Variants in USH2A observed in about 807,000 individuals in gnomAD.
USH2A encodes the protein Usher syndrome 2A (autosomal recessive, mild).
In USH2A, 443 loss-of-function variants were observed where a neutral mutation model predicts 538.9. The observed-to-expected ratio is 0.82, with a 90% confidence interval of 0.76 to 0.89. The LOEUF is 0.89. Among genes scored for constraint, USH2A ranks in the 40% least tolerant of loss-of-function variants. The pLI is 0.00. For missense variants in USH2A, 6,633 were observed against 6,324.8 expected (o/e 1.05, Z -1.65); for synonymous variants, 2,413 against 2,273.5 (o/e 1.06, Z -1.75).
chr1:216,369,042 G>A (rs2038652746), intron 3 of USH2A, among the ~76,000 whole-genome samples: 1 of 152,042 alleles, frequency 6.6e-6, no homozygotes, highest in African/African-American at 2.4e-5. Flanking sequence ...ACATCATTTT[G>A]AATGCTAAGA....
chr1:215,795,617 C>T (rs939863416), intron 50 of USH2A, among the ~76,000 whole-genome samples: 2 of 152,184 alleles, frequency 1.3e-5, no homozygotes, highest in African/African-American at 2.4e-5. Context: ...CATTTTTAAA[C>T]TCTGATGTAT....
intron 4 of USH2A, among the ~76,000 whole-genome samples, chr1:216,362,029 C>T (rs111456068): frequency 1.8e-3 from 280 of 152,166 alleles, no homozygotes; most frequent in African/African-American, 6.3e-3. Context: ...TATTCTACGA[C>T]TTTTTTTAAA....
intron 47 of USH2A, among the ~76,000 whole-genome samples, chr1:215,820,814 C>T (rs1330507919): frequency 1.3e-5 from 2 of 151,808 alleles, no homozygotes; most frequent in Non-Finnish European, 2.9e-5. Flanking sequence ...TTTTTTATCT[C>T]CCACATATGA....
intron 37 of USH2A, among the ~76,000 whole-genome samples, chr1:215,955,471 A>T (rs928892565): frequency 2.6e-5 from 4 of 152,212 alleles, no homozygotes; most frequent in African/African-American, 7.2e-5. Context: ...CAAGCTAGAT[A>T]CATGCTTTCT....
chr1:216,394,305 C>T (rs545141920), intron 3 of USH2A, among the ~76,000 whole-genome samples: 18 of 148,202 alleles, frequency 1.2e-4, no homozygotes, highest in African/African-American at 4.5e-4. Flanking sequence ...TACCATGTGG[C>T]ACAGCAATCC....
intron 59 of USH2A, 81 bp downstream of exon 59, chr1:215,743,096 G>T: frequency 2.6e-6 from 4 of 1,515,954 alleles, no homozygotes; most frequent in Non-Finnish European, 3.6e-6. Context: ...TTTGGACTGA[G>T]AATGTATTCC....
rs114298830 is a variant in USH2A at position 216,384,834 on chromosome 1, A to G, written c.652-19749T>C. 5.0e-3 allele frequency among the ~76,000 whole-genome samples: 755 copies of G among 152,338 alleles called. 10 individuals are homozygous for G. The highest frequency in any genetic ancestry group is 0.017 in the African/African-American group (718 of 41,582). ...ACTAAAGATATTTTCCTTGTGGGCT[A>G]GGCTAGAAGTGAAGAAACTGAACCT... On this transcript the variant is annotated intron_variant, in intron 3 of 71. Coordinates refer to ENST00000307340, the MANE Select transcript of USH2A (RefSeq NM_206933.4).
chr1:216,016,385 G>T (rs1479281822), intron 32 of USH2A, among the ~76,000 whole-genome samples: 3 of 151,918 alleles, frequency 2.0e-5, no homozygotes, highest in Non-Finnish European at 4.4e-5. Flanking sequence ...AAAAGAAATC[G>T]CTTTGCTATG....
At chr1:215,974,861 G>T (rs967089603) in intron 35 of USH2A, among the ~76,000 whole-genome samples, 4 of 152,092 alleles carry the variant, frequency 2.6e-5, no homozygotes, top group African/African-American at 9.7e-5. Flanking sequence ...ACCCAGTAAT[G>T]GGTTGCTGGG....
intron 9 of USH2A, among the ~76,000 whole-genome samples, chr1:216,300,842 A>G (rs1180580200): frequency 6.8e-6 from 1 of 146,670 alleles, no homozygotes; most frequent in Non-Finnish European, 1.5e-5. Flanking sequence ...TCCACCACCC[A>G]CGTTCAAGAG....
chr1:215,754,115 T>G (rs1170178456), intron 58 of USH2A, among the ~76,000 whole-genome samples: 1 of 152,224 alleles, frequency 6.6e-6, no homozygotes, highest in Non-Finnish European at 1.5e-5. Context: ...TATCTTAAGA[T>G]GGGGATAATG....
chr1:215,733,380 A>G (rs1660063319), intron 60 of USH2A, among the ~76,000 whole-genome samples: 1 of 152,214 alleles, frequency 6.6e-6, no homozygotes, highest in Non-Finnish European at 1.5e-5. Flanking sequence ...ATCTGTTTTT[A>G]GCATGAGATT....
At position 215,998,772 on chromosome 1, in the gene USH2A, C is replaced by T. The variant is rs984552928; in HGVS notation, c.6657+115G>A. 6.9e-6 allele frequency: 8 copies of T among 1,158,298 alleles called. No individual in the cohort carries two copies. In the African/African-American group the frequency reaches 1.1e-4, roughly 16 times the overall value. The allele number at this position is 1,158,298 out of a possible 1,614,324, so 71.8% of individuals were successfully genotyped here. On this transcript the variant is annotated intron_variant, in intron 34 of 71. Transcript: ENST00000307340. ...AGAGTTTTCAGTATAAACAGCAATA[C>T]ATGAAGATTTTGACTTTTTTTTTTT...
At chr1:216,266,972 T>C (rs986942030) in intron 11 of USH2A, among the ~76,000 whole-genome samples, 2 of 151,886 alleles carry the variant, frequency 1.3e-5, no homozygotes, top group Admixed American at 6.6e-5. Flanking sequence ...AAGTGTTTAA[T>C]TGGAAATATG....
Position 216,007,636 on chromosome 1 carries a change from C to A in USH2A, c.6326-7074G>T, listed in dbSNP as rs185844287. ...TGTATTCAGGCAGGGCCACAGAAAACCTTGTAAAGATTTCAGTTGCCCAAG... is the reference window on the plus strand; with the variant it reads ...TGTATTCAGGCAGGGCCACAGAAAAACTTGTAAAGATTTCAGTTGCCCAAG... On this transcript the variant is annotated intron_variant, in intron 32 of 71. Coordinates refer to ENST00000307340, the MANE Select transcript of USH2A (RefSeq NM_206933.4). 3.5e-4 allele frequency among the ~76,000 whole-genome samples: 53 copies of A among 152,288 alleles called. 1 individual carries two copies. Among genetic ancestry groups the A allele is most frequent in the Admixed American group, 1.9e-3 (29 of 15,306 alleles).
At chr1:216,254,961 G>A (rs2036232299) in intron 11 of USH2A, among the ~76,000 whole-genome samples, 1 of 152,194 alleles carries the variant, frequency 6.6e-6, no homozygotes, top group Admixed American at 6.5e-5. Flanking sequence ...AGCTGCCAAG[G>A]AGACTGAGAA....
intron 40 of USH2A, among the ~76,000 whole-genome samples, chr1:215,893,427 TGA>T (rs140572309): frequency 0.016 from 2,448 of 152,246 alleles, 74 homozygotes; most frequent in African/African-American, 0.056. Flanking sequence ...CATAGTCCAC[TGA>T]GAGTTTTCAA....
intron 32 of USH2A, among the ~76,000 whole-genome samples, chr1:216,005,389 T>C (rs1263108985): frequency 6.6e-6 from 1 of 152,212 alleles, no homozygotes; most frequent in Non-Finnish European, 1.5e-5. Context: ...TTTTCATTTA[T>C]ATCTTGATAT....
At chr1:215,992,154 T>C (rs980611794) in intron 35 of USH2A, among the ~76,000 whole-genome samples, 2 of 152,330 alleles carry the variant, frequency 1.3e-5, no homozygotes, top group East Asian at 3.9e-4. Flanking sequence ...TTTTCTTTCA[T>C]TCTTTTTGGC....
Sources: allele counts gnomAD v4.1 joint callset (sites outside exome capture counted in the v4.1 genomes callset), GRCh38; gene constraint gnomAD v4.1.1; transcripts MANE v1.5; gene names NCBI Gene and HGNC (gene_info 2026-07-23, HGNC 2026-07-21).